Variants in RNF144A observed in about 807,000 individuals in gnomAD.
RNF144A encodes the protein ring finger protein 144A.
In RNF144A, 11 loss-of-function variants were observed where a neutral mutation model predicts 38.7. The ratio of observed to expected loss-of-function variants is 0.28; its 90% CI spans 0.18 to 0.47. The LOEUF is 0.47. Among genes scored for constraint, RNF144A ranks in the 20% least tolerant of loss-of-function variants. The pLI is 0.99. For synonymous variants in RNF144A, 149 were observed against 143.9 expected (o/e 1.04, Z -0.25); for missense variants, 316 against 377.2 (o/e 0.84, Z 1.34).
chr2:7,012,003 C>T (rs530288522), intron 3 of RNF144A, among the ~76,000 whole-genome samples: 3 of 152,238 alleles, frequency 2.0e-5, no homozygotes, highest in East Asian at 3.9e-4. Context: ...TATGGGTGTA[C>T]GCTTCATGCC....
Position 7,024,484 on chromosome 2 carries a change from G to A in RNF144A, c.625G>A (p.Ala209Thr), listed in dbSNP as rs757693827. The stretch of plus-strand genomic sequence containing the variant: ...GATGATGTGCAAGAACTGCAAGCAC[G>A]CCTTCTGCTGGTACTGCCTGGAGTC... The part of the protein sequence containing the change: ...AQMMCKNCKH[A>T]FCWYCLESLD... The change falls in exon 7 of 9, where the codon GCC becomes ACC. Residue 209 changes from alanine to threonine, a missense_variant. Ala to Thr is a moderately conservative substitution (Grantham distance 58). Coordinates refer to ENST00000320892, the MANE Select transcript of RNF144A (RefSeq NM_014746.6). 3.7e-6 allele frequency: 6 copies of A among 1,611,604 alleles called. No homozygotes were observed. The highest frequency in any genetic ancestry group is 1.1e-5 in the South Asian group (1 of 91,048).
chr2:6,985,970 G>A (rs914448959), intron 2 of RNF144A, among the ~76,000 whole-genome samples: 12 of 152,128 alleles, frequency 7.9e-5, no homozygotes, highest in African/African-American at 2.2e-4. Flanking sequence ...CACTGTGCCC[G>A]GCCGCATGTT....
rs1430274061 is a variant in RNF144A, at chr2:7,042,381, T to C, written c.*2621T>C. The stretch of plus-strand genomic sequence containing the variant: ...TGTGAAGCGGCATAATTTGTCTCCA[T>C]TGAAAAATGGCATTCACTCTTACAG... On this transcript the variant is annotated 3_prime_UTR_variant, in exon 9 of 9. Coordinates refer to ENST00000320892, the MANE Select transcript of RNF144A (RefSeq NM_014746.6). The C allele has an allele frequency of 4.1e-6, 4 of 985,458 alleles. No homozygotes were observed. Among genetic ancestry groups the C allele is most frequent in the Non-Finnish European group, 4.8e-6 (4 of 829,944 alleles). The allele number at this position is 985,458 out of a possible 1,614,324, so 61.0% of individuals were successfully genotyped here. A position where few individuals can be genotyped will look rare whatever the true frequency, so the allele number is the denominator to read the frequency against.
chr2:6,950,898 G>T (rs1371317291), intron 2 of RNF144A, among the ~76,000 whole-genome samples: 1 of 152,012 alleles, frequency 6.6e-6, no homozygotes, highest in Non-Finnish European at 1.5e-5. Flanking sequence ...TCATTTTCCT[G>T]TATTCTGAAG....
chr2:6,953,414 A>G (rs531847994), intron 2 of RNF144A, among the ~76,000 whole-genome samples: 82 of 152,342 alleles, frequency 5.4e-4, no homozygotes, highest in African/African-American at 1.9e-3. Flanking sequence ...GGGAAACAAG[A>G]GCAAAACTGC....
intron 8 of RNF144A, among the ~76,000 whole-genome samples, chr2:7,035,604 C>G (rs570220687): frequency 6.6e-6 from 1 of 152,340 alleles, no homozygotes; most frequent in South Asian, 2.1e-4. Flanking sequence ...TTGCTCCACT[C>G]AAACCTCAGG....
intron 5 of RNF144A, among the ~76,000 whole-genome samples, chr2:7,015,493 C>T (rs1378986828): frequency 1.3e-5 from 2 of 152,156 alleles, no homozygotes; most frequent in South Asian, 2.1e-4. Flanking sequence ...ACCCAGGGGT[C>T]CTCTGGGAGA....
intron 4 of RNF144A, 46 bp downstream of exon 4, chr2:7,014,604 G>A: frequency 6.5e-7 from 1 of 1,527,072 alleles, no homozygotes; most frequent in Non-Finnish European, 9.0e-7. Flanking sequence ...GCACAGGCGT[G>A]CACTGCTGAA....
intron 2 of RNF144A, among the ~76,000 whole-genome samples, chr2:6,964,689 A>T (rs918868268): frequency 6.6e-6 from 1 of 152,170 alleles, no homozygotes; most frequent in Non-Finnish European, 1.5e-5. Context: ...ATGAAATTGG[A>T]AATCATCATT....
chr2:7,032,680 C>T (rs189501617), intron 8 of RNF144A, among the ~76,000 whole-genome samples: 13 of 152,348 alleles, frequency 8.5e-5, no homozygotes, highest in Admixed American at 2.0e-4. Context: ...CCAAATCCCC[C>T]CTTTCTATCA....
chr2:6,942,542 C>T (rs1487452392), intron 2 of RNF144A, among the ~76,000 whole-genome samples: 1 of 152,198 alleles, frequency 6.6e-6, no homozygotes, highest in Admixed American at 6.5e-5. Flanking sequence ...GAAGAGAGAG[C>T]CCTTACCATG....
chr2:6,981,729 A>T (rs534297458), intron 2 of RNF144A, among the ~76,000 whole-genome samples: 4 of 151,838 alleles, frequency 2.6e-5, no homozygotes, highest in African/African-American at 7.3e-5. Context: ...ATCTGTTCCA[A>T]CTCTGCCTGT....
At chr2:6,969,600 G>C (rs561594052) in intron 2 of RNF144A, among the ~76,000 whole-genome samples, 129 of 152,328 alleles carry the variant, frequency 8.5e-4, no homozygotes, top group African/African-American at 3.0e-3. Flanking sequence ...TACAGGCTGA[G>C]CATTCTTAAA....
intron 2 of RNF144A, among the ~76,000 whole-genome samples, chr2:6,963,365 C>T (rs142672523): frequency 2.0e-5 from 3 of 152,208 alleles, no homozygotes; most frequent in South Asian, 2.1e-4. Context: ...TGGCTCCATC[C>T]TGTTCCTTAA....
chr2:7,033,408 A>T (rs573617649), intron 8 of RNF144A, among the ~76,000 whole-genome samples: 4 of 152,296 alleles, frequency 2.6e-5, no homozygotes, highest in East Asian at 1.9e-4. Flanking sequence ...CCAAAGGCCC[A>T]CTGGTCTTGG....
chr2:6,999,180 A>G (rs927673687), intron 3 of RNF144A, among the ~76,000 whole-genome samples: 1 of 152,260 alleles, frequency 6.6e-6, no homozygotes, highest in Non-Finnish European at 1.5e-5. Context: ...AAAAACAGTG[A>G]CACTGTGGTG....
intron 2 of RNF144A, among the ~76,000 whole-genome samples, chr2:6,970,053 C>A (rs1667909328): frequency 6.6e-6 from 1 of 152,236 alleles, no homozygotes; most frequent in Non-Finnish European, 1.5e-5. Flanking sequence ...AGCCACCGCG[C>A]CTGGCCAAAT....
chr2:6,949,452 A>G (rs1431323637), intron 2 of RNF144A, among the ~76,000 whole-genome samples: 1 of 150,090 alleles, frequency 6.7e-6, no homozygotes, highest in Admixed American at 6.6e-5. Context: ...GGTAGAATAG[A>G]GAATAAATTG....
intron 2 of RNF144A, among the ~76,000 whole-genome samples, chr2:6,971,520 A>T (rs1387015035): frequency 6.6e-6 from 1 of 152,238 alleles, no homozygotes; most frequent in Non-Finnish European, 1.5e-5. Context: ...AGCATGCTGC[A>T]GTTTCAGGAT....
Sources: gnomAD v4.1 joint callset for allele counts (sites outside exome capture counted in the v4.1 genomes callset) on GRCh38, gnomAD v4.1.1 for gene constraint, MANE v1.5 for transcripts, NCBI Gene and HGNC (gene_info 2026-07-23, HGNC 2026-07-21) for gene names.